The following OTOGL variants were observed in gnomAD, a reference collection of about 807,000 sequenced individuals.
The protein encoded by OTOGL is otogelin-like protein.
Under a neutral mutation model 318.5 loss-of-function variants are expected in OTOGL, and 285 were observed. The ratio of observed to expected loss-of-function variants is 0.89; its 90% CI spans 0.81 to 0.99. The LOEUF is 0.99. OTOGL is among the 50% of genes least tolerant of loss of function. The probability of loss-of-function intolerance (pLI) is 0.00; values close to 1 mark genes in which losing one functional copy is unlikely to be tolerated. For missense variants in OTOGL, 2,899 were observed against 2,845.6 expected, an observed-to-expected ratio of 1.02 and a Z score of -0.43; for synonymous variants, 987 against 936.5, an observed-to-expected ratio of 1.05 and a Z score of -0.99.
At chr12:80,353,990 A>G (rs1397761969) in intron 46 of OTOGL, among the ~76,000 whole-genome samples, 3 of 152,184 alleles carry the variant, frequency 2.0e-5, no homozygotes, top group Non-Finnish European at 4.4e-5. Flanking sequence ...TTATCTGGGT[A>G]CTATGATTTG....
chr12:80,209,120 T>C (rs963667110), intron 1 of OTOGL, among the ~76,000 whole-genome samples: 4 of 152,302 alleles, frequency 2.6e-5, no homozygotes, highest in Non-Finnish European at 5.9e-5. Context: ...AATGCTGCTG[T>C]CTTGAGAAGG....
In OTOGL at chr12:80,343,509, G is replaced by GGTTTTTTTTTTTTTTTTTTTTTTTTT; in HGVS notation, c.5265+1347_5265+1348insGTTTTTTTTTTTTTTTTTTTTTTTTT. On this transcript the variant is annotated intron_variant, in intron 44 of 58. Coordinates refer to ENST00000547103, the MANE Select transcript of OTOGL (RefSeq NM_001378609.3). ...TACATTTTTATTATTTTTTATTCTT[G>GGTTTTTTTTTTTTTTTTTTTTTTTTT]TTTTTTTTTTTTTTTTTTTTTTTTT... 3.3e-4 allele frequency: 12 copies of GGTTTTTTTTTTTTTTTTTTTTTTTTT among 35,868 alleles called. 5 individuals are homozygous for GGTTTTTTTTTTTTTTTTTTTTTTTTT. The highest frequency in any genetic ancestry group is 1.1e-3 in the East Asian group (1 of 892). The allele number at this position is 35,868 out of a possible 1,614,324, so 2.2% of individuals were successfully genotyped here.
intron 1 of OTOGL, among the ~76,000 whole-genome samples, chr12:80,191,449 A>T (rs917756996): frequency 4.6e-5 from 7 of 152,344 alleles, no homozygotes; most frequent in Admixed American, 3.3e-4. Context: ...AATAAATAAA[A>T]AAAATAAAAT....
chr12:80,157,669 T>A (rs1873218215), intron 1 of OTOGL, among the ~76,000 whole-genome samples: 1 of 152,206 alleles, frequency 6.6e-6, no homozygotes, highest in Non-Finnish European at 1.5e-5. Flanking sequence ...CCAGCACCAT[T>A]TATTGAAGAG....
chr12:80,184,377 T>A (rs1875139453), intron 1 of OTOGL, among the ~76,000 whole-genome samples: 1 of 152,212 alleles, frequency 6.6e-6, no homozygotes, highest in Non-Finnish European at 1.5e-5. Flanking sequence ...ATAATATATA[T>A]CTTAATATTT....
intron 1 of OTOGL, among the ~76,000 whole-genome samples, chr12:80,176,742 C>T (rs1874554455): frequency 6.6e-6 from 1 of 152,034 alleles, no homozygotes; most frequent in African/African-American, 2.4e-5. Context: ...TTTCATTTCT[C>T]TTGGGTAAAA....
At chr12:80,321,293 A>C (rs751470179) in intron 34 of OTOGL, among the ~76,000 whole-genome samples, 4 of 152,170 alleles carry the variant, frequency 2.6e-5, no homozygotes, top group Admixed American at 1.3e-4. Context: ...CTTTCTTTTC[A>C]AAATCCAGAA....
chr12:80,353,261 C>T (rs1889664992), intron 45 of OTOGL, 64 bp from the exon 46 acceptor site: 10 of 1,188,266 alleles, frequency 8.4e-6, no homozygotes, highest in Non-Finnish European at 1.1e-5. Context: ...ACATTTCTTT[C>T]TTTTACTAGA....
intron 1 of OTOGL, among the ~76,000 whole-genome samples, chr12:80,120,398 G>A (rs1214412127): frequency 6.6e-6 from 1 of 151,564 alleles, no homozygotes; most frequent in Admixed American, 6.6e-5. Context: ...CAGCATAAAG[G>A]ATTAAAAAAA....
At chr12:80,272,428 T>G (rs113020383) in intron 24 of OTOGL, among the ~76,000 whole-genome samples, 2 of 151,964 alleles carry the variant, frequency 1.3e-5, no homozygotes, top group Admixed American at 6.6e-5. Context: ...GCAGCATATA[T>G]TCTACTCCTA....
At chr12:80,278,086 T>C in intron 24 of OTOGL, 82 bp from the exon 25 acceptor site, 1 of 1,057,496 alleles carries the variant, frequency 9.5e-7, no homozygotes, top group Non-Finnish European at 1.4e-6. Flanking sequence ...TAGATGACAG[T>C]GTTAATATGC....
At chr12:80,343,076 G>A (rs1021913891) in intron 44 of OTOGL, among the ~76,000 whole-genome samples, 4 of 151,998 alleles carry the variant, frequency 2.6e-5, no homozygotes, top group Non-Finnish European at 4.4e-5. Flanking sequence ...GGATTTCACC[G>A]TGTTAGCCAG....
At chr12:80,108,953 T>C (rs1356243618) in intron 1 of OTOGL, among the ~76,000 whole-genome samples, 98 of 142,710 alleles carry the variant, frequency 6.9e-4, no homozygotes, top group East Asian at 1.8e-3. Flanking sequence ...TATATATATA[T>C]ACACACACAC....
chr12:80,359,751 T>G lies in OTOGL; in HGVS notation c.6267+851T>G, dbSNP rs567375222. Reference sequence around the variant, plus strand: ...AATGTTTAAACTTTACAAATAACTTTCATAATAATTCTGTCATTTGATTAT... The same window carrying G: ...AATGTTTAAACTTTACAAATAACTTGCATAATAATTCTGTCATTTGATTAT... On this transcript the variant is annotated intron_variant, in intron 52 of 58. Coordinates refer to ENST00000547103, the MANE Select transcript of OTOGL (RefSeq NM_001378609.3). 2.6e-5 allele frequency among the ~76,000 whole-genome samples: 4 copies of G among 152,350 alleles called. No homozygotes were observed. In the East Asian group the frequency reaches 7.7e-4, roughly 29 times the overall value.
intron 1 of OTOGL, among the ~76,000 whole-genome samples, chr12:80,108,859 T>A (rs572822435): frequency 7.0e-6 from 1 of 142,982 alleles, no homozygotes; most frequent in Non-Finnish European, 1.5e-5. Context: ...TATATATATG[T>A]GTATATATAT....
chr12:80,209,651 A>G (rs938483251), intron 2 of OTOGL, 141 bp downstream of exon 2: 26 of 473,236 alleles, frequency 5.5e-5, no homozygotes, highest in Non-Finnish European at 8.5e-5. Flanking sequence ...CACCTTTTAA[A>G]AAATTCTTAA....
chr12:80,215,246 A>C (rs1877604806), intron 4 of OTOGL, among the ~76,000 whole-genome samples: 1 of 148,812 alleles, frequency 6.7e-6, no homozygotes, highest in African/African-American at 2.5e-5. Context: ...CGCTCACTGC[A>C]ACCTCTGCCT....
At chr12:80,104,620 G>A (rs1869345120) in intron 1 of OTOGL, among the ~76,000 whole-genome samples, 1 of 152,068 alleles carries the variant, frequency 6.6e-6, no homozygotes, top group Non-Finnish European at 1.5e-5. Context: ...ATGTCAGGGG[G>A]GTGAGAGCAG....
At chr12:80,326,641 A>G (rs1887693895) in intron 35 of OTOGL, among the ~76,000 whole-genome samples, 1 of 152,142 alleles carries the variant, frequency 6.6e-6, no homozygotes, top group Admixed American at 6.5e-5. Context: ...TTTTTCTTCC[A>G]CTTCACAAAG....
Sources: allele counts gnomAD v4.1 joint callset (sites outside exome capture counted in the v4.1 genomes callset), GRCh38; gene constraint gnomAD v4.1.1; transcripts MANE v1.5; gene names NCBI Gene and HGNC (gene_info 2026-07-23, HGNC 2026-07-21).